TTLL6: variants seen among roughly 807,000 people sequenced by gnomAD.
The protein encoded by TTLL6 is tubulin polyglutamylase TTLL6.
Under a neutral mutation model 96.4 loss-of-function variants are expected in TTLL6, and 75 were observed. That is an observed-to-expected ratio of 0.78 (90% confidence interval 0.65 to 0.94). The LOEUF (loss-of-function observed/expected upper bound fraction) is 0.94, where lower values mean the gene tolerates loss of function less well. Among genes scored for constraint, TTLL6 ranks in the 40% least tolerant of loss-of-function variants. The pLI, the probability that TTLL6 is intolerant of heterozygous loss-of-function variation, is 0.00. For missense variants in TTLL6, 1,030 were observed against 1,093.0 expected, an observed-to-expected ratio of 0.94 and a Z score of 0.81; for synonymous variants, 411 against 419.4, an observed-to-expected ratio of 0.98 and a Z score of 0.24.
intron 11 of TTLL6, among the ~76,000 whole-genome samples, chr17:48,786,990 C>T (rs548018524): frequency 3.9e-5 from 6 of 152,128 alleles, no homozygotes; most frequent in South Asian, 2.1e-4. Flanking sequence ...CCACCACTCT[C>T]GGCTAATTTT....
intron 9 of TTLL6, among the ~76,000 whole-genome samples, chr17:48,790,894 G>A (rs146651326): frequency 1.5e-4 from 23 of 152,294 alleles, no homozygotes; most frequent in Non-Finnish European, 2.2e-4. Context: ...TCACACTGCC[G>A]TATGGGTCTA....
At chr17:48,803,793 C>T (rs1468216195) in intron 3 of TTLL6, 98 bp downstream of exon 3, 10 of 1,228,134 alleles carry the variant, frequency 8.1e-6, no homozygotes, top group Non-Finnish European at 1.2e-5. Flanking sequence ...TGAAGATACG[C>T]CCTTTCATCC....
At chr17:48,770,904 G>A (rs1243381547) in intron 13 of TTLL6, among the ~76,000 whole-genome samples, 1 of 151,582 alleles carries the variant, frequency 6.6e-6, no homozygotes, top group African/African-American at 2.4e-5. Flanking sequence ...GGTGACAAGA[G>A]TGAAATTCTG....
At chr17:48,791,991 C>A (rs2039234945) in intron 8 of TTLL6, among the ~76,000 whole-genome samples, 1 of 152,200 alleles carries the variant, frequency 6.6e-6, no homozygotes, top group Non-Finnish European at 1.5e-5. Context: ...AGCATGTGGG[C>A]AGCCTTTTAA....
intron 13 of TTLL6, among the ~76,000 whole-genome samples, chr17:48,776,220 A>G (rs1036164546): frequency 1.3e-5 from 2 of 152,202 alleles, no homozygotes; most frequent in Non-Finnish European, 2.9e-5. Flanking sequence ...TAATACTAGC[A>G]CTTTGGGAGG....
At position 48,762,338 on chromosome 17, in the gene TTLL6, C is replaced by T. The variant is rs192262267; in HGVS notation, c.*636G>A. 1 of 152,306 alleles carries T rather than the reference C, an allele frequency of 6.6e-6. No individual in the cohort carries two copies. The highest frequency in any genetic ancestry group is 1.5e-5 in the Non-Finnish European group (1 of 68,052). The allele number at this position is 152,306 out of a possible 1,614,324, so 9.4% of individuals were successfully genotyped here. A position where few individuals can be genotyped will look rare whatever the true frequency, so the allele number is the denominator to read the frequency against. Reference sequence around the variant, plus strand: ...GCATCTTCAGGCTGGGTACTCTCGCCTCACCTCTGTTTTCACTGGTGAGAT... The same window carrying T: ...GCATCTTCAGGCTGGGTACTCTCGCTTCACCTCTGTTTTCACTGGTGAGAT... On this transcript the variant is annotated 3_prime_UTR_variant, in exon 16 of 16. Transcript: ENST00000393382.
chr17:48,779,312 C>A (rs2038942446), intron 13 of TTLL6, among the ~76,000 whole-genome samples: 1 of 125,078 alleles, frequency 8.0e-6, no homozygotes, highest in Admixed American at 1.1e-4. Context: ...CAAGACTGTG[C>A]TATTGCACTC....
chr17:48,787,689 C>G, intron 11 of TTLL6, 122 bp downstream of exon 11: 2 of 982,444 alleles, frequency 2.0e-6, no homozygotes, highest in Non-Finnish European at 3.0e-6. Flanking sequence ...AGCCACGGCG[C>G]CTGGTTGCTC....
chr17:48,767,210 C>G (rs1024617991), intron 15 of TTLL6, among the ~76,000 whole-genome samples: 1 of 152,096 alleles, frequency 6.6e-6, no homozygotes, highest in African/African-American at 2.4e-5. Flanking sequence ...ACCTATTACC[C>G]ATATTTAAAA....
intron 3 of TTLL6, among the ~76,000 whole-genome samples, chr17:48,803,016 C>T (rs2039450270): frequency 6.6e-6 from 1 of 151,482 alleles, no homozygotes; most frequent in Admixed American, 6.6e-5. Flanking sequence ...ACTAAAACTA[C>T]AAAATTAGCT....
At chr17:48,786,753 A>G (rs999611891) in intron 11 of TTLL6, among the ~76,000 whole-genome samples, 2 of 152,100 alleles carry the variant, frequency 1.3e-5, no homozygotes, top group African/African-American at 4.8e-5. Context: ...AGAGTGGACA[A>G]AAGGTGACAT....
intron 8 of TTLL6, chr17:48,794,106 G>A (rs1028012060): frequency 1.3e-6 from 2 of 1,564,400 alleles, no homozygotes; most frequent in African/African-American, 2.7e-5. Flanking sequence ...AGGAGAGAGT[G>A]GATGGAGAAG....
intron 8 of TTLL6, among the ~76,000 whole-genome samples, chr17:48,794,661 G>A (rs1368540790): frequency 6.6e-6 from 1 of 152,178 alleles, no homozygotes; most frequent in African/African-American, 2.4e-5. Flanking sequence ...GGAAAAGGGG[G>A]AGACTGCCTC....
chr17:48,803,891 C>A lies in TTLL6; in HGVS notation c.361G>T (p.Val121Leu). The A allele has an allele frequency of 6.4e-7, 1 of 1,552,028 alleles. No homozygotes were observed. The highest frequency in any genetic ancestry group is 8.7e-7 in the Non-Finnish European group (1 of 1,147,088). The change falls in exon 3 of 16, where the codon GTG becomes TTG. Residue 121 changes from valine to leucine, a missense_variant and splice_region_variant. Val to Leu is a conservative substitution (Grantham distance 32). Transcript: ENST00000393382. Reference sequence around the variant, plus strand: ...AGATCTCCTGAATGTAGATGCTCACCACTCTCATACCGGCAGCTGGATAGA... The same window carrying A: ...AGATCTCCTGAATGTAGATGCTCACAACTCTCATACCGGCAGCTGGATAGA... ...INLSSCRYES[V>L]RRAAQQYGFR...
At position 48,803,939 on chromosome 17, in the gene TTLL6, A is replaced by C; in HGVS notation, c.324-11T>G. 5.2e-6 allele frequency: 8 copies of C among 1,551,808 alleles called. No individual in the cohort carries two copies. Among genetic ancestry groups the C allele is most frequent in the Non-Finnish European group, 7.0e-6 (8 of 1,147,016 alleles). On this transcript the variant is annotated splice_polypyrimidine_tract_variant and intron_variant, in intron 2 of 15. Transcript: ENST00000393382. The stretch of plus-strand genomic sequence containing the variant: ...AGATTGATCACCAATCATCTGGAAA[A>C]GAGAAAAAGGAAAGCAGCAAGACAG...
chr17:48,763,725 G>A (rs1002664849), intron 15 of TTLL6, among the ~76,000 whole-genome samples: 1 of 152,118 alleles, frequency 6.6e-6, no homozygotes, highest in African/African-American at 2.4e-5. Context: ...GTTGAACCTG[G>A]GAGGTGAAAG....
intron 13 of TTLL6, among the ~76,000 whole-genome samples, chr17:48,776,193 G>A (rs554543300): frequency 1.1e-4 from 16 of 152,272 alleles, no homozygotes; most frequent in African/African-American, 2.2e-4. Context: ...TAGGCTGGGC[G>A]CAGTAGCTCA....
intron 2 of TTLL6, chr17:48,804,337 A>G (rs1229492591): frequency 2.1e-5 from 10 of 484,404 alleles, no homozygotes; most frequent in Non-Finnish European, 3.7e-5. Flanking sequence ...GCTTTCCTTC[A>G]TCAATCAGTC....
chr17:48,769,217 A>G lies in TTLL6; in HGVS notation c.2448T>C (p.Ser816=), dbSNP rs1191586695. Residue 816 remains serine (S), a synonymous_variant, in exon 15 of 16, where the codon AGT becomes AGC. Transcript: ENST00000393382. ...GCTGCCTCTTCTCGCCAGAGCTGTCACTGCGGGAGTGGCACTCCCCAGGCA... is the reference window on the plus strand; with the variant it reads ...GCTGCCTCTTCTCGCCAGAGCTGTCGCTGCGGGAGTGGCACTCCCCAGGCA... ...PSLPGECHSR[S]DSSGEKRQLD... is the part of the protein sequence containing the mutation. 3.1e-6 allele frequency: 5 copies of G among 1,610,526 alleles called. No homozygotes were observed. Among genetic ancestry groups the G allele is most frequent in the Non-Finnish European group, 4.2e-6 (5 of 1,177,386 alleles).
Sources: gnomAD v4.1 joint callset for allele counts (sites outside exome capture counted in the v4.1 genomes callset) on GRCh38, gnomAD v4.1.1 for gene constraint, MANE v1.5 for transcripts, NCBI Gene and HGNC (gene_info 2026-07-23, HGNC 2026-07-21) for gene names.